Variants in EXOC2 observed in about 807,000 individuals in gnomAD.
The protein encoded by EXOC2 is SEC5-like 1.
A neutral mutation model predicts 131.8 loss-of-function variants in EXOC2; 70 were observed. That is an observed-to-expected ratio of 0.53 (90% CI 0.44 to 0.65). The LOEUF (loss-of-function observed/expected upper bound fraction) is 0.65, where lower values mean the gene tolerates loss of function less well. Ranked by LOEUF, EXOC2 falls within the 30% of genes least tolerant of loss-of-function variation. The pLI is 0.00. For synonymous variants in EXOC2, 411 were observed against 398.4 expected, an observed-to-expected ratio of 1.03 and a Z score of -0.38; for missense variants, 923 against 1,108.6, an observed-to-expected ratio of 0.83 and a Z score of 2.38.
In EXOC2 at chr6:633,084, G is replaced by C; in HGVS notation, c.152C>G (p.Thr51Arg). The change falls in exon 3 of 28, where the codon ACG becomes AGG. Residue 51 changes from threonine (T) to arginine (R), a missense_variant. Thr to Arg is a moderately conservative substitution (Grantham distance 71). Transcript: ENST00000230449. ...TTTACTTGCAGACATCCATTCTGCC[G>C]TCAGGAGGCAATTATGTCCACAAAT... is the stretch of plus-strand genomic sequence containing the variant. The part of the protein sequence containing the change: ...LTICGHNCLL[T>R]AEWMSASKIV... 1 of 1,613,710 alleles carries C rather than the reference G, an allele frequency of 6.2e-7. No homozygotes were observed. The highest frequency in any genetic ancestry group is 8.5e-7 in the Non-Finnish European group (1 of 1,179,994).
chr6:673,177 A>T (rs1188744864), intron 1 of EXOC2, among the ~76,000 whole-genome samples: 4 of 146,226 alleles, frequency 2.7e-5, no homozygotes, highest in Non-Finnish European at 6.0e-5. Flanking sequence ...CAGGAGAATC[A>T]CTTGAATCTG....
chr6:576,403 C>T (rs965551818), intron 12 of EXOC2, among the ~76,000 whole-genome samples: 2 of 152,176 alleles, frequency 1.3e-5, no homozygotes, highest in East Asian at 3.8e-4. Flanking sequence ...AAAAGGTATA[C>T]TGATACTACT....
At chr6:535,778 C>CA (rs928779035) in intron 22 of EXOC2, among the ~76,000 whole-genome samples, 5 of 152,116 alleles carry the variant, frequency 3.3e-5, no homozygotes, top group Non-Finnish European at 7.4e-5. Context: ...AGGCTGAAAG[C>CA]ATTTCCTATT....
At chr6:655,190 T>C in intron 1 of EXOC2, among the ~76,000 whole-genome samples, 1 of 152,196 alleles carries the variant, frequency 6.6e-6, no homozygotes, top group African/African-American at 2.4e-5. Context: ...TACCTGAGCC[T>C]TCAACAACCA....
chr6:682,295 G>T (rs899825623), intron 1 of EXOC2, among the ~76,000 whole-genome samples: 1 of 151,642 alleles, frequency 6.6e-6, no homozygotes, highest in African/African-American at 2.4e-5. Context: ...TGCCTTCCGG[G>T]TTCATGCCAT....
Position 486,622 on chromosome 6 carries a change from C to T in EXOC2, c.*49G>A, listed in dbSNP as rs368729870. ...ACCTTTAGGGTACTTAGAGAGTGAA[C>T]AGTCTTATTACGTGTTATTTTCCTG... On this transcript the variant is annotated 3_prime_UTR_variant, in exon 28 of 28. Coordinates refer to ENST00000230449, the MANE Select transcript of EXOC2 (RefSeq NM_018303.6). 15 of 1,479,556 alleles carry T rather than the reference C, an allele frequency of 1.0e-5. No individual in the cohort carries two copies. Among genetic ancestry groups the T allele is most frequent in the African/African-American group, 2.8e-5 (2 of 72,172 alleles). 91.7% of individuals were successfully genotyped at this position (1,479,556 alleles called of 1,614,324 possible).
rs189755172 is a variant in EXOC2 at position 560,599 on chromosome 6, C to T, written c.1851+2185G>A. Among the ~76,000 whole-genome samples the T allele has an allele frequency of 7.5e-4, 114 of 152,246 alleles. 1 individual carries two copies. The highest frequency in any genetic ancestry group is 2.7e-3 in the African/African-American group (111 of 41,530). On this transcript the variant is annotated intron_variant, in intron 17 of 27. Coordinates refer to ENST00000230449, the MANE Select transcript of EXOC2 (RefSeq NM_018303.6). ...TGCCTTTTGTGCAGGTGGTGCAGGT[C>T]CATACCTTTCTCTAAAGATTTAGTG... is the stretch of plus-strand genomic sequence containing the variant.
At chr6:539,896 C>T (rs1766704940) in intron 22 of EXOC2, among the ~76,000 whole-genome samples, 2 of 152,084 alleles carry the variant, frequency 1.3e-5, no homozygotes, top group Non-Finnish European at 2.9e-5. Flanking sequence ...AACTGACATT[C>T]CTTTATATTA....
intron 1 of EXOC2, among the ~76,000 whole-genome samples, chr6:658,643 TTTTATATATATATATATATATA>T (rs1256683754): frequency 6.3e-5 from 6 of 95,564 alleles, no homozygotes; most frequent in Admixed American, 2.8e-4. Flanking sequence ...TATATATATA[TTTTATATATATATATATATATA>T]TTTTTTTTTT....
chr6:687,058 G>C (rs150519510), intron 1 of EXOC2, among the ~76,000 whole-genome samples: 1 of 150,944 alleles, frequency 6.6e-6, no homozygotes. Flanking sequence ...AAAACAGTAA[G>C]TCTTAGTATT....
chr6:677,617 C>T (rs915010858), intron 1 of EXOC2, among the ~76,000 whole-genome samples: 1 of 152,036 alleles, frequency 6.6e-6, no homozygotes, highest in East Asian at 1.9e-4. Flanking sequence ...AACAGGCGTG[C>T]ACCACCATGC....
At chr6:516,991 T>C (rs993196967) in intron 23 of EXOC2, among the ~76,000 whole-genome samples, 2 of 152,066 alleles carry the variant, frequency 1.3e-5, no homozygotes, top group East Asian at 3.9e-4. Flanking sequence ...CAGCTGGCAA[T>C]GACCTGAATG....
intron 1 of EXOC2, among the ~76,000 whole-genome samples, chr6:672,329 C>T (rs1401551842): frequency 6.6e-6 from 1 of 152,164 alleles, no homozygotes; most frequent in Non-Finnish European, 1.5e-5. Context: ...GCTGCATGTT[C>T]CCCACTTTTC....
At chr6:503,674 T>G (rs1385727601) in intron 23 of EXOC2, among the ~76,000 whole-genome samples, 1 of 152,212 alleles carries the variant, frequency 6.6e-6, no homozygotes, top group Non-Finnish European at 1.5e-5. Flanking sequence ...CTTAAACGGT[T>G]AAAGAATAGT....
intron 17 of EXOC2, 97 bp downstream of exon 17, chr6:562,687 G>A (rs1347704783): frequency 1.4e-6 from 1 of 732,736 alleles, no homozygotes; most frequent in African/African-American, 1.8e-5. Context: ...TCTATTTAGA[G>A]CTGCAACACA....
At chr6:602,575 C>T (rs542703185) in intron 7 of EXOC2, among the ~76,000 whole-genome samples, 2 of 152,328 alleles carry the variant, frequency 1.3e-5, no homozygotes, top group South Asian at 4.1e-4. Context: ...AGAACAAGTC[C>T]ACCTGGAGTG....
At chr6:499,041 T>A (rs1206933901) in intron 24 of EXOC2, among the ~76,000 whole-genome samples, 2 of 152,206 alleles carry the variant, frequency 1.3e-5, no homozygotes, top group Non-Finnish European at 2.9e-5. Context: ...AACCAGGATG[T>A]TCACTGAGGA....
chr6:502,237 G>A (rs548401899), intron 23 of EXOC2, among the ~76,000 whole-genome samples: 1 of 152,296 alleles, frequency 6.6e-6, no homozygotes, highest in East Asian at 1.9e-4. Flanking sequence ...CACAGCCTCT[G>A]CCCTCAGTGA....
chr6:499,076 A>G (rs1763893943), intron 24 of EXOC2, among the ~76,000 whole-genome samples: 1 of 152,202 alleles, frequency 6.6e-6, no homozygotes, highest in Non-Finnish European at 1.5e-5. Context: ...TTAAGATGAA[A>G]GCGTGTCAAG....
Sources: allele counts gnomAD v4.1 joint callset (sites outside exome capture counted in the v4.1 genomes callset), GRCh38; gene constraint gnomAD v4.1.1; transcripts MANE v1.5; gene names NCBI Gene and HGNC (gene_info 2026-07-23, HGNC 2026-07-21).